MAPKBP1: variants seen among roughly 807,000 people sequenced by gnomAD.
MAPKBP1 encodes the protein mitogen-activated protein kinase binding protein 1.
MAPKBP1 carries 71 observed loss-of-function variants against 170.5 expected under a neutral mutation model. That is an observed-to-expected ratio of 0.42 (90% CI 0.34 to 0.51). The LOEUF is 0.51. Ranked by LOEUF, MAPKBP1 falls within the 20% of genes least tolerant of loss-of-function variation. The pLI is 0.06. For missense variants in MAPKBP1, 1,598 were observed against 1,933.0 expected, an observed-to-expected ratio of 0.83 and a Z score of 3.25; for synonymous variants, 719 against 757.9, an observed-to-expected ratio of 0.95 and a Z score of 0.84.
At chr15:41,820,483 T>C (rs2064976636) in intron 22 of MAPKBP1, among the ~76,000 whole-genome samples, 1 of 152,160 alleles carries the variant, frequency 6.6e-6, no homozygotes, top group Admixed American at 6.5e-5. Flanking sequence ...AGGAGACTTT[T>C]AGAGACCCCC....
At chr15:41,819,154 T>A in intron 20 of MAPKBP1, 92 bp from the exon 21 acceptor site, 1 of 1,508,496 alleles carries the variant, frequency 6.6e-7, no homozygotes, top group Non-Finnish European at 9.1e-7. Context: ...CATCTTCCCC[T>A]CATTGAGTCT....
At chr15:41,783,834 C>T (rs1320369896) in intron 2 of MAPKBP1, among the ~76,000 whole-genome samples, 1 of 152,104 alleles carries the variant, frequency 6.6e-6, no homozygotes, top group Non-Finnish European at 1.5e-5. Flanking sequence ...ATGGTGAAAC[C>T]CCGTCTCTAC....
intron 23 of MAPKBP1, 193 bp from the exon 24 acceptor site, chr15:41,821,391 A>T (rs775761933): frequency 1.6e-6 from 1 of 620,844 alleles, no homozygotes; most frequent in Non-Finnish European, 2.8e-6. Context: ...CACATCAGCA[A>T]CTGGAGCCCA....
chr15:41,785,905 C>T (rs1343664179), intron 2 of MAPKBP1, among the ~76,000 whole-genome samples: 2 of 152,160 alleles, frequency 1.3e-5, no homozygotes, highest in Admixed American at 6.6e-5. Flanking sequence ...TTATTCTGTG[C>T]AGACACTCAT....
intron 5 of MAPKBP1, 173 bp from the exon 6 acceptor site, chr15:41,811,784 C>A: frequency 1.4e-6 from 1 of 735,870 alleles, no homozygotes; most frequent in Non-Finnish European, 2.4e-6. Flanking sequence ...CTGGTAATCA[C>A]TGTTGCCCTC....
intron 3 of MAPKBP1, among the ~76,000 whole-genome samples, chr15:41,803,780 C>G (rs1238297037): frequency 6.6e-6 from 1 of 152,092 alleles, no homozygotes; most frequent in African/African-American, 2.4e-5. Flanking sequence ...TAATGGGGTT[C>G]TAACCCAAGT....
At chr15:41,776,147 C>T (rs944947703) in intron 2 of MAPKBP1, among the ~76,000 whole-genome samples, 8 of 152,196 alleles carry the variant, frequency 5.3e-5, no homozygotes, top group African/African-American at 1.7e-4. Context: ...AAGTAGTCGA[C>T]ATTTATTTAA....
In MAPKBP1 at chr15:41,825,506, C is replaced by A; in HGVS notation, c.*70C>A. On this transcript the variant is annotated 3_prime_UTR_variant, in exon 31 of 31. Transcript: ENST00000457542. The stretch of plus-strand genomic sequence containing the variant: ...AAACTGCAGCCCCTCTGCCCCTCAC[C>A]AAAACCTGCGGGGCTGCTTGGAGTG... The A allele has an allele frequency of 7.2e-7, 1 of 1,384,644 alleles. No individual in the cohort carries two copies. Among genetic ancestry groups the A allele is most frequent in the South Asian group, 1.4e-5 (1 of 71,360 alleles). 85.8% of individuals were successfully genotyped at this position (1,384,644 alleles called of 1,614,324 possible).
rs2065001854 is a variant in MAPKBP1, at chr15:41,821,763, C to T, written c.2885+13C>T. ...CCATGGATACCAGGCAAGGATCCTG[C>T]CCTAGCCAGACCCCGTGCCCCCGTC... is the stretch of plus-strand genomic sequence containing the variant. On this transcript the variant is annotated intron_variant, in intron 24 of 30. Transcript: ENST00000457542. 1 of 1,613,330 alleles carries T rather than the reference C, an allele frequency of 6.2e-7. No homozygotes were observed. Among genetic ancestry groups the T allele is most frequent in the Middle Eastern group, 1.7e-4 (1 of 5,748 alleles).
At chr15:41,783,975 C>T (rs2064235845) in intron 2 of MAPKBP1, among the ~76,000 whole-genome samples, 1 of 152,146 alleles carries the variant, frequency 6.6e-6, no homozygotes. Context: ...CGCCACTGCA[C>T]TCCAGCCTGG....
At position 41,819,248 on chromosome 15, in the gene MAPKBP1, A is replaced by G; in HGVS notation, c.2294A>G (p.His765Arg). Residue 765 changes from histidine (H) to arginine (R), a missense_variant and splice_region_variant, in exon 21 of 31, where the codon CAC (histidine) becomes CGC (arginine). His to Arg is a conservative substitution (Grantham distance 29). Coordinates refer to ENST00000457542, the MANE Select transcript of MAPKBP1 (RefSeq NM_014994.3). The stretch of plus-strand genomic sequence containing the variant: ...GCCCTTCCTTGTCTCGGACTCAGGC[A>G]CCAGGCCCCATCAATGCTGTCTCCT... The part of the protein sequence containing the change: ...SPQRASGPNR[H>R]QAPSMLSPGP... 6.2e-7 allele frequency: 1 copy of G among 1,613,468 alleles called. No homozygotes were observed. Among genetic ancestry groups the G allele is most frequent in the African/African-American group, 1.3e-5 (1 of 74,798 alleles).
At chr15:41,777,256 G>T (rs953615228) in intron 2 of MAPKBP1, among the ~76,000 whole-genome samples, 14 of 151,632 alleles carry the variant, frequency 9.2e-5, no homozygotes, top group East Asian at 7.8e-4. Flanking sequence ...CAGGAGACTC[G>T]CCTGAACCCG....
At position 41,799,874 on chromosome 15, in the gene MAPKBP1, G is replaced by A; in HGVS notation, c.166G>A (p.Ala56Thr). 3 of 1,614,164 alleles carry A rather than the reference G, an allele frequency of 1.9e-6. No homozygotes were observed. The highest frequency in any genetic ancestry group is 2.5e-6 in the Non-Finnish European group (3 of 1,180,020). The change falls in exon 3 of 31, where the codon GCC (alanine) becomes ACC (threonine). Residue 56 changes from alanine to threonine, a missense_variant. By Grantham distance (58) the Ala-to-Thr change is moderately conservative. Transcript: ENST00000457542. ...TACAGTGTCTGGAGGCAGAGGACTT[G>A]CCTGTGACCCCCGATCAGGTTTAGT... is the stretch of plus-strand genomic sequence containing the variant. ...GITVSGGRGL[A>T]CDPRSGLVAY...
intron 24 of MAPKBP1, 46 bp from the exon 25 acceptor site, chr15:41,821,919 T>C (rs769100436): frequency 1.3e-6 from 2 of 1,597,078 alleles, no homozygotes; most frequent in South Asian, 1.1e-5. Context: ...GGCTGCTGCC[T>C]ACCCCTGCTC....
intron 3 of MAPKBP1, among the ~76,000 whole-genome samples, chr15:41,805,020 G>A (rs1210153828): frequency 2.0e-5 from 3 of 152,118 alleles, no homozygotes; most frequent in African/African-American, 2.4e-5. Context: ...CAGCCCCCAC[G>A]CTCTTGTTCC....
intron 8 of MAPKBP1, chr15:41,813,405 C>T: frequency 5.3e-6 from 8 of 1,501,864 alleles, no homozygotes; most frequent in Middle Eastern, 1.7e-4. Flanking sequence ...CTTCACTGGG[C>T]TTTTCCTACT....
chr15:41,816,811 C>T, intron 13 of MAPKBP1, 99 bp from the exon 14 acceptor site: 1 of 1,525,406 alleles, frequency 6.6e-7, no homozygotes, highest in South Asian at 1.2e-5. Context: ...GTTCACATGG[C>T]TTGGGGATAT....
intron 9 of MAPKBP1, 65 bp from the exon 10 acceptor site, chr15:41,814,485 T>G: frequency 3.3e-6 from 5 of 1,498,346 alleles, no homozygotes; most frequent in Non-Finnish European, 3.7e-6. Context: ...GCTCCTTCCA[T>G]TGTGGATTGG....
chr15:41,789,516 G>A (rs1169340043), intron 2 of MAPKBP1, among the ~76,000 whole-genome samples: 3 of 152,034 alleles, frequency 2.0e-5, no homozygotes, highest in Non-Finnish European at 2.9e-5. Context: ...CTAGTCTGAC[G>A]CCTTCCTTAC....
Sources: allele counts gnomAD v4.1 joint callset (sites outside exome capture counted in the v4.1 genomes callset), GRCh38; gene constraint gnomAD v4.1.1; transcripts MANE v1.5; gene names NCBI Gene and HGNC (gene_info 2026-07-23, HGNC 2026-07-21).